Variants in LYRM4 observed in about 807,000 individuals in gnomAD.
The protein encoded by LYRM4 is LYR motif-containing protein 4.
A neutral mutation model predicts 11.7 loss-of-function variants in LYRM4; 9 were observed. The observed-to-expected ratio is 0.77, with a 90% CI of 0.46 to 1.34. LYRM4 has a LOEUF of 1.34. LYRM4 is among the 40% of genes most tolerant of loss of function. LYRM4 has a pLI of 0.00. For missense variants in LYRM4, 133 were observed against 112.5 expected (o/e 1.18, Z -0.82); for synonymous variants, 42 against 40.4 (o/e 1.04, Z -0.15).
At chr6:5,144,624 CAAAAAAA>C (rs71540849) in intron 2 of LYRM4, among the ~76,000 whole-genome samples, 2,060 of 37,266 alleles carry the variant, frequency 0.055, 11 homozygotes, top group Middle Eastern at 0.094. Flanking sequence ...GACTCCGTCT[CAAAAAAA>C]AAAAAAAAAA....
chr6:5,035,557 T>TTCCTTCCTTCCCTCCCTCCTTCCC, the LYRM4 span, among the ~76,000 whole-genome samples: 2 of 10,068 alleles, frequency 2.0e-4, no homozygotes, highest in African/African-American at 6.2e-4. Flanking sequence ...CCCTCCCTCC[T>TTCCTTCCTTCCCTCCCTCCTTCCC]TCCCCTCCCC....
intron 2 of LYRM4, among the ~76,000 whole-genome samples, chr6:5,214,280 G>A (rs1450795304): frequency 6.6e-6 from 1 of 152,224 alleles, no homozygotes; most frequent in Non-Finnish European, 1.5e-5. Context: ...TGAAATCTGA[G>A]CACAGGCCTG....
chr6:5,091,820 ACAT>A, the LYRM4 span, among the ~76,000 whole-genome samples: 1 of 152,362 alleles, frequency 6.6e-6, no homozygotes, highest in East Asian at 1.9e-4. Context: ...CCACGCATAT[ACAT>A]ATGCAAACTT....
At chr6:5,065,733 T>G in the LYRM4 span, 4 of 201,596 alleles carry the variant, frequency 2.0e-5, no homozygotes, top group Admixed American at 2.0e-4. Context: ...CTTTCAAATT[T>G]GGTTTTCATG....
At chr6:5,193,266 G>C (rs1324651228) in intron 2 of LYRM4, among the ~76,000 whole-genome samples, 2 of 151,640 alleles carry the variant, frequency 1.3e-5, no homozygotes, top group South Asian at 2.1e-4. Flanking sequence ...TCTATTTTTA[G>C]CACCTCTATG....
chr6:5,215,435 C>G (rs1323585661), intron 2 of LYRM4, among the ~76,000 whole-genome samples: 2 of 152,198 alleles, frequency 1.3e-5, no homozygotes, highest in Non-Finnish European at 2.9e-5. Flanking sequence ...GAGTACCTTA[C>G]TATCCTCATG....
At chr6:5,111,254 A>G (rs1483732245) in intron 2 of LYRM4, among the ~76,000 whole-genome samples, 1 of 152,254 alleles carries the variant, frequency 6.6e-6, no homozygotes, top group Non-Finnish European at 1.5e-5. Context: ...AATTAAAACT[A>G]GGCTAATACA....
Position 5,192,762 on chromosome 6 carries a change from G to A in LYRM4, c.207+23856C>T, listed in dbSNP as rs570596723. On this transcript the variant is annotated intron_variant, in intron 2 of 2. Coordinates refer to ENST00000330636, the MANE Select transcript of LYRM4 (RefSeq NM_020408.6). Reference sequence around the variant, plus strand: ...CATTTAGGGCCTGGCGCGGTGGCCCGCGCCTGTAATCCCAGGACTTTGGGA... The same window carrying A: ...CATTTAGGGCCTGGCGCGGTGGCCCACGCCTGTAATCCCAGGACTTTGGGA... 5.3e-5 allele frequency among the ~76,000 whole-genome samples: 8 copies of A among 152,282 alleles called. No individual in the cohort carries two copies. In the South Asian group the frequency reaches 1.0e-3, roughly 20 times the overall value.
rs147317713 is a variant in LYRM4 at position 5,124,682 on chromosome 6, G to A, written c.208-15191C>T. 3.9e-3 allele frequency among the ~76,000 whole-genome samples: 600 copies of A among 152,264 alleles called. 1 individual carries two copies. Among genetic ancestry groups the A allele is most frequent in the Non-Finnish European group, 5.9e-3 (399 of 68,016 alleles). ...CGGCAGACTTCATCCTGACAGGGGC[G>A]GGCCCTCCAACCAGCAAGTGTCCCT... On this transcript the variant is annotated intron_variant, in intron 2 of 2. Coordinates refer to ENST00000330636, the MANE Select transcript of LYRM4 (RefSeq NM_020408.6).
chr6:5,140,214 C>T (rs1041144844), intron 2 of LYRM4, among the ~76,000 whole-genome samples: 4 of 151,386 alleles, frequency 2.6e-5, no homozygotes, highest in East Asian at 2.0e-4. Context: ...GGCAACAGAG[C>T]GAGACCCTGT....
Position 5,260,726 on chromosome 6 carries a change from G to A in LYRM4, c.8C>T (p.Ala3Val), listed in dbSNP as rs371803966. ...AGATAACACTTGTGCGCGACTGGAG[G>A]CTGCCATTTTGGAAAGAAAAAAAAA... MA[A>V]SSRAQVLSLY... Residue 3 changes from alanine (A) to valine (V), a missense_variant, in exon 1 of 3, where the codon GCC becomes GTC. By Grantham distance (64) the Ala-to-Val change is moderately conservative. Transcript: ENST00000330636. The A allele has an allele frequency of 1.7e-5, 27 of 1,549,940 alleles. No individual in the cohort carries two copies. The Middle Eastern group carries it at 5.0e-4, about 29-fold the overall frequency.
chr6:5,097,614 G>A, the LYRM4 span, among the ~76,000 whole-genome samples: 6 of 152,116 alleles, frequency 3.9e-5, no homozygotes, highest in Admixed American at 6.5e-5. Flanking sequence ...GCCTTCTAAA[G>A]TGCTGGGATT....
chr6:5,143,071 G>A (rs987535939), intron 2 of LYRM4, among the ~76,000 whole-genome samples: 8 of 152,232 alleles, frequency 5.3e-5, no homozygotes, highest in Non-Finnish European at 1.2e-4. Flanking sequence ...CACATGTATT[G>A]GTTCAGAGCT....
rs559635754 is a variant in LYRM4, at chr6:5,109,589, G to A, written c.208-98C>T. 66 of 1,260,502 alleles carry A rather than the reference G, an allele frequency of 5.2e-5. 1 individual carries two copies. Among genetic ancestry groups the A allele is most frequent in the East Asian group, 1.4e-4 (6 of 42,140 alleles). The allele number at this position is 1,260,502 out of a possible 1,614,324, so 78.1% of individuals were successfully genotyped here. ...TCCTAACATTTCTAATACAAACGTC[G>A]GCCATCCCAGGGCTGCTCCCTTCCG... On this transcript the variant is annotated intron_variant, in intron 2 of 2. Coordinates refer to ENST00000330636, the MANE Select transcript of LYRM4 (RefSeq NM_020408.6).
At chr6:5,123,080 T>C (rs2127604520) in intron 2 of LYRM4, among the ~76,000 whole-genome samples, 1 of 152,308 alleles carries the variant, frequency 6.6e-6, no homozygotes, top group South Asian at 2.1e-4. Context: ...CTGGGCTCCT[T>C]TGTCTCCCCC....
At chr6:5,057,764 CT>C in the LYRM4 span, among the ~76,000 whole-genome samples, 2,017 of 148,390 alleles carry the variant, frequency 0.014, 42 homozygotes, top group South Asian at 0.039. Context: ...GAAACGCTCA[CT>C]TTTTTTTTTC....
intron 2 of LYRM4, among the ~76,000 whole-genome samples, chr6:5,185,159 A>C (rs1760313883): frequency 6.6e-6 from 1 of 152,140 alleles, no homozygotes; most frequent in Non-Finnish European, 1.5e-5. Context: ...GAATCCCAAT[A>C]CCTGGGTGAA....
the LYRM4 span, chr6:5,086,615 C>G: frequency 2.2e-6 from 3 of 1,370,780 alleles, no homozygotes; most frequent in Non-Finnish European, 2.9e-6. Flanking sequence ...ACGTGGAGCT[C>G]GGGCTGCCGC....
the LYRM4 span, among the ~76,000 whole-genome samples, chr6:5,072,210 T>C: frequency 1.3e-5 from 2 of 152,232 alleles, no homozygotes; most frequent in South Asian, 4.1e-4. Context: ...CCACATTTTC[T>C]TCATCCAGTC....
Sources: allele counts gnomAD v4.1 joint callset (sites outside exome capture counted in the v4.1 genomes callset), GRCh38; gene constraint gnomAD v4.1.1; transcripts MANE v1.5; gene names NCBI Gene and HGNC (gene_info 2026-07-23, HGNC 2026-07-21).